Variants in DGKG observed in about 807,000 individuals in gnomAD.
DGKG encodes the protein diacylglycerol kinase gamma.
In DGKG, 78 loss-of-function variants were observed where a neutral mutation model predicts 105.3. The ratio of observed to expected loss-of-function variants is 0.74; its 90% confidence interval spans 0.62 to 0.89. The LOEUF is 0.89. Ranked by LOEUF, DGKG falls within the 40% of genes least tolerant of loss-of-function variation. The pLI, the probability that DGKG is intolerant of heterozygous loss-of-function variation, is 0.00. For missense variants in DGKG, 958 were observed against 1,020.1 expected, an observed-to-expected ratio of 0.94 and a Z score of 0.83; for synonymous variants, 346 against 367.1, an observed-to-expected ratio of 0.94 and a Z score of 0.66.
intron 17 of DGKG, 147 bp downstream of exon 17, chr3:186,257,707 G>T: frequency 5.7e-6 from 3 of 524,954 alleles, no homozygotes; most frequent in African/African-American, 4.0e-5. Flanking sequence ...TCCACCCAAA[G>T]CAAATATTTA....
rs540077105 is a variant in DGKG, at chr3:186,261,532, G to A, written c.1349+167C>T. On this transcript the variant is annotated intron_variant, in intron 15 of 24. Transcript: ENST00000265022. ...TCTCCATTTTACAGAGGGAGAAACCGAGGCCCGGGGACATTAAGTCACTTG... is the reference window on the plus strand; with the variant it reads ...TCTCCATTTTACAGAGGGAGAAACCAAGGCCCGGGGACATTAAGTCACTTG... Among the ~76,000 whole-genome samples the A allele has an allele frequency of 5.3e-5, 8 of 152,290 alleles. No individual in the cohort carries two copies. In the East Asian group the frequency reaches 5.8e-4, roughly 11 times the overall value.
intron 19 of DGKG, among the ~76,000 whole-genome samples, chr3:186,244,460 A>C (rs2108554763): frequency 6.7e-6 from 1 of 149,458 alleles, no homozygotes; most frequent in Non-Finnish European, 1.5e-5. Context: ...GCTGGAGTGC[A>C]GTGGCACAAT....
At chr3:186,233,511 G>A (rs964336239) in intron 20 of DGKG, among the ~76,000 whole-genome samples, 1 of 152,126 alleles carries the variant, frequency 6.6e-6, no homozygotes, top group East Asian at 1.9e-4. Context: ...ACGGAGTCTC[G>A]CTCTGTCGCC....
At chr3:186,167,917 G>A (rs1436968866) in intron 22 of DGKG, among the ~76,000 whole-genome samples, 1 of 152,220 alleles carries the variant, frequency 6.6e-6, no homozygotes, top group African/African-American at 2.4e-5. Context: ...CAAGTTAGGT[G>A]TAGAAAATGC....
intron 11 of DGKG, among the ~76,000 whole-genome samples, chr3:186,269,763 G>A (rs1340968051): frequency 6.6e-6 from 1 of 152,212 alleles, no homozygotes; most frequent in Admixed American, 6.5e-5. Context: ...TTTCACACCT[G>A]TTTCCTGGGG....
chr3:186,189,100 AC>A (rs1278241882), intron 21 of DGKG, among the ~76,000 whole-genome samples: 1 of 152,174 alleles, frequency 6.6e-6, no homozygotes, highest in East Asian at 1.9e-4. Flanking sequence ...GGAGTGAGCC[AC>A]CACGCCTGGC....
chr3:186,245,941 AC>A (rs1418099533), intron 19 of DGKG, among the ~76,000 whole-genome samples: 3 of 151,998 alleles, frequency 2.0e-5, no homozygotes, highest in Non-Finnish European at 4.4e-5. Flanking sequence ...ACAAAAAAAA[AC>A]AGATGAAGTT....
Position 186,284,828 on chromosome 3 carries a change from G to A in DGKG, c.545-119C>T. 1.3e-6 allele frequency: 1 copy of A among 791,136 alleles called. No individual in the cohort carries two copies. Among genetic ancestry groups the A allele is most frequent in the Non-Finnish European group, 2.1e-6 (1 of 466,456 alleles). The allele number at this position is 791,136 out of a possible 1,614,324, so 49.0% of individuals were successfully genotyped here. On this transcript the variant is annotated intron_variant, in intron 6 of 24. Transcript: ENST00000265022. This position sits in a 1 kb window ranked among gnomAD's most constrained non-coding sequence, Gnocchi z 4.0. ...CACCACTGTGACGAAGGTTATGGCA[G>A]CCAGCTCTCCCTCCCTCTGAGCACA...
chr3:186,244,074 T>C (rs1720821177), intron 19 of DGKG, among the ~76,000 whole-genome samples: 1 of 151,952 alleles, frequency 6.6e-6, no homozygotes, highest in African/African-American at 2.4e-5. Context: ...TTTTTGTATT[T>C]TTAGTAGAGA....
intron 7 of DGKG, among the ~76,000 whole-genome samples, chr3:186,283,518 A>C (rs557567924): frequency 5.7e-4 from 87 of 152,152 alleles, no homozygotes; most frequent in Non-Finnish European, 9.6e-4. Context: ...CTAAAGCTTC[A>C]ACTTCTTCCA....
chr3:186,306,689 A>G (rs895153261), intron 3 of DGKG: 2 of 509,298 alleles, frequency 3.9e-6, no homozygotes, highest in Non-Finnish European at 7.0e-6. Flanking sequence ...GCAGAGGAGA[A>G]GTAGTGGTAG....
At chr3:186,152,409 T>A (rs1038446697) in intron 24 of DGKG, among the ~76,000 whole-genome samples, 10 of 152,160 alleles carry the variant, frequency 6.6e-5, no homozygotes, top group Non-Finnish European at 1.2e-4. Context: ...CATTCTTTGT[T>A]CCCCTGTGGA....
intron 22 of DGKG, among the ~76,000 whole-genome samples, chr3:186,174,722 T>A (rs912679306): frequency 6.6e-6 from 1 of 151,310 alleles, no homozygotes; most frequent in Non-Finnish European, 1.5e-5. Flanking sequence ...ACCATCCAGG[T>A]TGCCTTCTCT....
Position 186,340,276 on chromosome 3 carries a change from A to G in DGKG, c.-248-19569T>C, listed in dbSNP as rs1360804883. Among the ~76,000 whole-genome samples, 6 of 152,202 alleles carry G rather than the reference A, an allele frequency of 3.9e-5. 1 individual carries two copies. The highest frequency in any genetic ancestry group is 1.4e-4 in the African/African-American group (6 of 41,446). On this transcript the variant is annotated intron_variant, in intron 1 of 24. Coordinates refer to ENST00000265022, the MANE Select transcript of DGKG (RefSeq NM_001346.3). ...AGCTGTTAATGAATAAGTAAATTTAAAAAACTATAAACTTTATGGAAACAT... is the reference window on the plus strand; with the variant it reads ...AGCTGTTAATGAATAAGTAAATTTAGAAAACTATAAACTTTATGGAAACAT...
intron 20 of DGKG, among the ~76,000 whole-genome samples, chr3:186,215,686 A>G (rs565508111): frequency 1.6e-4 from 25 of 152,122 alleles, no homozygotes; most frequent in African/African-American, 6.0e-4. Flanking sequence ...GAGACTCACA[A>G]GCTAAAATTT....
At chr3:186,260,386 G>T (rs367952442) in intron 16 of DGKG, 53 bp downstream of exon 16, 1 of 1,308,128 alleles carries the variant, frequency 7.6e-7, no homozygotes, top group Non-Finnish European at 1.1e-6. Context: ...CATCTTCATT[G>T]GAGTTTAAAA....
chr3:186,305,546 G>A (rs778001977), intron 3 of DGKG, among the ~76,000 whole-genome samples: 10 of 152,128 alleles, frequency 6.6e-5, no homozygotes, highest in Non-Finnish European at 1.5e-4. Context: ...GGAGATTGTG[G>A]AGTAGAGCAG....
intron 1 of DGKG, among the ~76,000 whole-genome samples, chr3:186,322,366 G>A (rs1725120489): frequency 6.6e-6 from 1 of 152,144 alleles, no homozygotes; most frequent in South Asian, 2.1e-4. Flanking sequence ...ATAAGTGAGA[G>A]CTGAACACTG....
intron 2 of DGKG, among the ~76,000 whole-genome samples, chr3:186,311,108 C>T (rs1233806693): frequency 6.6e-6 from 1 of 152,132 alleles, no homozygotes; most frequent in Non-Finnish European, 1.5e-5. Context: ...ACCTGGGGAG[C>T]TCTATACACA....
Sources: gnomAD v4.1 joint callset for allele counts (sites outside exome capture counted in the v4.1 genomes callset) on GRCh38, gnomAD v4.1.1 for gene constraint, Gnocchi (gnomAD v3.1) non-coding constraint, MANE v1.5 for transcripts, NCBI Gene and HGNC (gene_info 2026-07-23, HGNC 2026-07-21) for gene names.